Variants in DSC1 observed in about 807,000 individuals in gnomAD.
The protein encoded by DSC1 is desmocollin 1.
In DSC1, 79 loss-of-function variants were observed where a neutral mutation model predicts 98.8. That is an observed-to-expected ratio of 0.80 (90% CI 0.67 to 0.96). DSC1 has a LOEUF of 0.96. Ranked by LOEUF, DSC1 falls within the 50% of genes least tolerant of loss-of-function variation. The probability of loss-of-function intolerance (pLI) is 0.00; values close to 1 mark genes in which losing one functional copy is unlikely to be tolerated. For synonymous variants in DSC1, 405 were observed against 372.1 expected, an observed-to-expected ratio of 1.09 and a Z score of -1.02; for missense variants, 1,115 against 1,075.9, an observed-to-expected ratio of 1.04 and a Z score of -0.51.
At chr18:31,132,078 A>G (rs1321768297) in intron 14 of DSC1, 11 of 545,810 alleles carry the variant, frequency 2.0e-5, no homozygotes, top group East Asian at 3.3e-5. Flanking sequence ...GGGTCATTGT[A>G]GATGTAATTA....
At chr18:31,139,006 G>A (rs1298387817) in intron 11 of DSC1, among the ~76,000 whole-genome samples, 2 of 151,670 alleles carry the variant, frequency 1.3e-5, no homozygotes, top group African/African-American at 2.4e-5. Context: ...AATATGTTTT[G>A]TATATTTTTA....
chr18:31,140,857 T>G (rs969266690), intron 9 of DSC1, among the ~76,000 whole-genome samples: 2 of 152,188 alleles, frequency 1.3e-5, no homozygotes, highest in Admixed American at 6.5e-5. Context: ...TTGATTTGTA[T>G]CTCCCAGAAT....
chr18:31,152,635 A>G (rs1031686008), intron 5 of DSC1, among the ~76,000 whole-genome samples: 1 of 152,078 alleles, frequency 6.6e-6, no homozygotes, highest in African/African-American at 2.4e-5. Flanking sequence ...TCAGAACACT[A>G]CTGAGGTTGG....
rs570628274 is a variant in DSC1 at position 31,139,550 on chromosome 18, C to T, written c.1663+198G>A. Reference sequence around the variant, plus strand: ...TATTGTGATATAATTAAGCCTTAAGCTTTGGCCATTCACTACCTCATAGCT... The same window carrying T: ...TATTGTGATATAATTAAGCCTTAAGTTTTGGCCATTCACTACCTCATAGCT... On this transcript the variant is annotated intron_variant, in intron 11 of 15. Transcript: ENST00000257198. 9.2e-5 allele frequency among the ~76,000 whole-genome samples: 14 copies of T among 152,234 alleles called. No individual in the cohort carries two copies. The East Asian group carries it at 2.3e-3, about 25-fold the overall frequency.
Position 31,157,444 on chromosome 18 carries a change from GA to G in DSC1, c.277del (p.Ser93ProfsTer15), listed in dbSNP as rs1989120585. On this transcript the variant is annotated frameshift_variant, in exon 3 of 16. Transcript: ENST00000257198. LOFTEE classifies it high-confidence loss of function. ...TCTCTGACCATCTGAAAGGAAAATGGAAAAACTTTTCCTTTCAGAAGACAAA... is the reference window on the plus strand; with the variant it reads ...TCTCTGACCATCTGAAAGGAAAATGGAAAACTTTTCCTTTCAGAAGACAAA... ...LILSSERKSFSIFLSDGQRRE... is the reference protein window; with the variant it reads ...LILSSERKSFXIFLSDGQRRE... The G allele has an allele frequency of 1.2e-6, 2 of 1,614,096 alleles. No individual in the cohort carries two copies. The highest frequency in any genetic ancestry group is 2.2e-5 in the South Asian group (2 of 91,082).
Position 31,157,548 on chromosome 18 carries a change from C to G in DSC1, c.174G>C (p.Ser58=), listed in dbSNP as rs767775240. The G allele has an allele frequency of 1.2e-6, 2 of 1,613,996 alleles. No homozygotes were observed. Among genetic ancestry groups the G allele is most frequent in the Non-Finnish European group, 1.7e-6 (2 of 1,180,022 alleles). Residue 58 remains serine (S), a synonymous_variant, in exon 3 of 16, where the codon TCG becomes TCC. Transcript: ENST00000257198. ...GGTCACTGGACCGGATTAGGCTGGC[C>G]GACTTGAGACACTCCTCCAGATTCA... ...GKVNLEECLK[S]ASLIRSSDPA... is the part of the protein sequence containing the mutation.
chr18:31,146,333 G>T (rs931236626), intron 6 of DSC1, among the ~76,000 whole-genome samples: 1 of 152,126 alleles, frequency 6.6e-6, no homozygotes, highest in Non-Finnish European at 1.5e-5. Flanking sequence ...GTGATAACAT[G>T]TGGTATTTAG....
rs943207231 is a variant in DSC1, at chr18:31,129,816, C to T, written c.*698G>A. ...TCATGTAATCTTCATAAAATCTCTG[C>T]CCCTCAATTTGCTATGAGCTTGTTC... On this transcript the variant is annotated 3_prime_UTR_variant, in exon 16 of 16. Coordinates refer to ENST00000257198, the MANE Select transcript of DSC1 (RefSeq NM_024421.2). 1.3e-5 allele frequency: 2 copies of T among 152,192 alleles called. No homozygotes were observed. Among genetic ancestry groups the T allele is most frequent in the African/African-American group, 2.4e-5 (1 of 41,432 alleles). 9.4% of individuals were successfully genotyped at this position (152,192 alleles called of 1,614,324 possible). A position where few individuals can be genotyped will look rare whatever the true frequency, so the allele number is the denominator to read the frequency against.
chr18:31,158,684 G>A (rs1824417818), intron 2 of DSC1, among the ~76,000 whole-genome samples: 1 of 152,124 alleles, frequency 6.6e-6, no homozygotes, highest in South Asian at 2.1e-4. Flanking sequence ...AAGCTGTTCT[G>A]TGAAATATGT....
chr18:31,147,756 A>G (rs2144942157), intron 6 of DSC1, among the ~76,000 whole-genome samples: 1 of 152,258 alleles, frequency 6.6e-6, no homozygotes, highest in South Asian at 2.1e-4. Flanking sequence ...ATAAACTGGT[A>G]CTACACATAC....
At chr18:31,148,400 G>A in intron 6 of DSC1, 98 bp downstream of exon 6, 4 of 1,359,636 alleles carry the variant, frequency 2.9e-6, no homozygotes, top group Non-Finnish European at 2.0e-6. Flanking sequence ...ACCAGAAAAT[G>A]CATAAAATGC....
intron 5 of DSC1, 99 bp from the exon 6 acceptor site, chr18:31,148,741 A>AC: frequency 8.4e-7 from 1 of 1,194,814 alleles, no homozygotes; most frequent in Non-Finnish European, 1.1e-6. Context: ...AAAAAAAAAA[A>AC]TCATTCCCAA....
intron 3 of DSC1, 30 bp downstream of exon 3, chr18:31,157,341 T>C (rs1989117575): frequency 6.2e-7 from 1 of 1,608,940 alleles, no homozygotes. Flanking sequence ...CATATTACTG[T>C]GCTAGGCTGC....
At chr18:31,147,217 GATCGAT>G (rs1988865492) in intron 6 of DSC1, among the ~76,000 whole-genome samples, 1 of 151,888 alleles carries the variant, frequency 6.6e-6, no homozygotes, top group Non-Finnish European at 1.5e-5. Flanking sequence ...TTATTTATCA[GATCGAT>G]ATTTCCATGC....
chr18:31,150,545 C>T, intron 5 of DSC1, among the ~76,000 whole-genome samples: 1 of 139,350 alleles, frequency 7.2e-6, no homozygotes, highest in African/African-American at 2.6e-5. Context: ...CTACCACTAC[C>T]ACCACCAACA....
rs376326537 is a variant in DSC1, at chr18:31,157,567, A to G, written c.155T>C (p.Leu52Pro). ...QAETLVGKVN[L>P]EECLKSASLI... is the part of the protein sequence containing the mutation. ...GCTGGCCGACTTGAGACACTCCTCC[A>G]GATTCACTGCAGGGAAGAAATATCA... is the stretch of plus-strand genomic sequence containing the variant. The change falls in exon 3 of 16, where the codon CTG becomes CCG. Residue 52 changes from leucine to proline, a missense_variant. Transcript: ENST00000257198. 34 of 1,614,056 alleles carry G rather than the reference A, an allele frequency of 2.1e-5. No individual in the cohort carries two copies. The highest frequency in any genetic ancestry group is 2.7e-5 in the Non-Finnish European group (32 of 1,180,006).
chr18:31,147,873 T>C (rs576345176), intron 6 of DSC1, among the ~76,000 whole-genome samples: 5 of 152,294 alleles, frequency 3.3e-5, no homozygotes, highest in African/African-American at 1.2e-4. Flanking sequence ...TCACTTTTTT[T>C]GGAGTATTTT....
At position 31,162,849 on chromosome 18, in the gene DSC1, C is replaced by CT; in HGVS notation, c.-256dup. ...TACGTCTAAATGCAAAGAGGCTTTC[C>CT]TACAAGTGAGGAGGGTGGGGTACAA... On this transcript the variant is annotated 5_prime_UTR_variant, in exon 1 of 16. Transcript: ENST00000257198. 4.3e-6 allele frequency: 2 copies of CT among 468,334 alleles called. No homozygotes were observed. Among genetic ancestry groups the CT allele is most frequent in the South Asian group, 2.7e-5 (1 of 36,412 alleles). 29.0% of individuals were successfully genotyped at this position (468,334 alleles called of 1,614,324 possible). A position where few individuals can be genotyped will look rare whatever the true frequency, so the allele number is the denominator to read the frequency against.
chr18:31,150,333 C>G (rs55984487), intron 5 of DSC1, among the ~76,000 whole-genome samples: 24 of 4,756 alleles, frequency 5.0e-3, no homozygotes, highest in South Asian at 7.6e-3. Flanking sequence ...ATCACCACCA[C>G]CACTACCATC....
Sources: allele counts gnomAD v4.1 joint callset (sites outside exome capture counted in the v4.1 genomes callset), GRCh38; gene constraint gnomAD v4.1.1; transcripts MANE v1.5; gene names NCBI Gene and HGNC (gene_info 2026-07-23, HGNC 2026-07-21).